Variants in COP1 observed in about 807,000 individuals in gnomAD.
The protein encoded by COP1 is E3 ubiquitin-protein ligase COP1.
Under a neutral mutation model 101.3 loss-of-function variants are expected in COP1, and 24 were observed. The observed-to-expected ratio is 0.24, with a 90% CI of 0.17 to 0.33. COP1 has a LOEUF of 0.33. Among genes scored for constraint, COP1 ranks in the 10% least tolerant of loss-of-function variants. The probability of loss-of-function intolerance (pLI) is 1.00; values close to 1 mark genes in which losing one functional copy is unlikely to be tolerated. For missense variants in COP1, 663 were observed against 906.2 expected (o/e 0.73, Z 3.45); for synonymous variants, 347 against 341.9 (o/e 1.01, Z -0.17).
In COP1 at chr1:176,081,241, C is replaced by T; in HGVS notation, c.1188G>A (p.Leu396=). Residue 396 remains leucine (L), a synonymous_variant, in exon 11 of 20, where the codon TTG becomes TTA. Coordinates refer to ENST00000367669, the MANE Select transcript of COP1 (RefSeq NM_022457.7). ...ASQLDEFQEC[L]SKFTRYNSVR... is the part of the protein sequence containing the mutation. ...CTGAATTATATCGAGTAAACTTGGA[C>T]AAGCATTCCTGAAATTCATCCAACT... 5.6e-6 allele frequency: 9 copies of T among 1,599,272 alleles called. No homozygotes were observed. The highest frequency in any genetic ancestry group is 7.7e-6 in the Non-Finnish European group (9 of 1,173,098).
At position 176,170,881 on chromosome 1, in the gene COP1, T is replaced by C. The variant is rs1394422566; in HGVS notation, c.565+5029A>G. Among the ~76,000 whole-genome samples, 5 of 152,120 alleles carry C rather than the reference T, an allele frequency of 3.3e-5. No individual in the cohort carries two copies. The East Asian group carries it at 9.7e-4, about 29-fold the overall frequency. On this transcript the variant is annotated intron_variant, in intron 3 of 19. Coordinates refer to ENST00000367669, the MANE Select transcript of COP1 (RefSeq NM_022457.7). ...TAGCTCACGCCTGTAATCCCAGCAC[T>C]TTGGGAGGCCGAGACTGGTGGATCA... is the stretch of plus-strand genomic sequence containing the variant.
chr1:176,134,962 A>C, intron 8 of COP1, 48 bp downstream of exon 8: 4 of 1,388,274 alleles, frequency 2.9e-6, no homozygotes, highest in Non-Finnish European at 3.1e-6. Context: ...GACCATATGC[A>C]TACTTTGTAA....
chr1:176,089,916 G>A lies in COP1; in HGVS notation c.1027-4026C>T, dbSNP rs1280652762. 2.0e-5 allele frequency among the ~76,000 whole-genome samples: 3 copies of A among 152,084 alleles called. 1 individual carries two copies. Among genetic ancestry groups the A allele is most frequent in the South Asian group, 4.1e-4 (2 of 4,824 alleles). Reference sequence around the variant, plus strand: ...AGCAGTCTTTTGTGAGGAAAATTTTGCATCTGTATTAACATAACTACACCC... The same window carrying A: ...AGCAGTCTTTTGTGAGGAAAATTTTACATCTGTATTAACATAACTACACCC... On this transcript the variant is annotated intron_variant, in intron 9 of 19. Coordinates refer to ENST00000367669, the MANE Select transcript of COP1 (RefSeq NM_022457.7).
rs139977160 is a variant in COP1 at position 175,963,324 on chromosome 1, T to C, written c.2134-16085A>G. Among the ~76,000 whole-genome samples the C allele has an allele frequency of 2.6e-3, 395 of 152,194 alleles. 3 individuals carry two copies. The highest frequency in any genetic ancestry group is 9.1e-3 in the African/African-American group (377 of 41,516). ...TGGCCTCATCTCTCAATAAAGTCCCTACTCCACCATCCTACTTAGACACTT... is the reference window on the plus strand; with the variant it reads ...TGGCCTCATCTCTCAATAAAGTCCCCACTCCACCATCCTACTTAGACACTT... On this transcript the variant is annotated intron_variant, in intron 18 of 19. Transcript: ENST00000367669.
intron 15 of COP1, among the ~76,000 whole-genome samples, chr1:176,012,029 A>G (rs1664772500): frequency 6.6e-6 from 1 of 152,206 alleles, no homozygotes; most frequent in Admixed American, 6.5e-5. Context: ...CTGTAATACA[A>G]CCTCAGGAAG....
At chr1:176,089,293 A>AAACAGT (rs1553257648) in intron 9 of COP1, among the ~76,000 whole-genome samples, 10 of 49,826 alleles carry the variant, frequency 2.0e-4, no homozygotes, top group Admixed American at 1.5e-3. Context: ...ACTCTGTCTA[A>AAACAGT]AACAATAACA....
intron 11 of COP1, among the ~76,000 whole-genome samples, chr1:176,062,900 T>C (rs1462781769): frequency 1.2e-4 from 18 of 152,128 alleles, no homozygotes; most frequent in Admixed American, 8.5e-4. Flanking sequence ...CAAAAGAACA[T>C]ATACTGTATG....
At chr1:175,987,149 GA>G (rs1273085511) in intron 17 of COP1, 46 bp from the exon 18 acceptor site, 5 of 1,045,578 alleles carry the variant, frequency 4.8e-6, no homozygotes, top group Non-Finnish European at 5.5e-6. Flanking sequence ...GAAAAACTCG[GA>G]ATTAGGACAT....
chr1:176,151,260 A>G (rs1210817535), intron 5 of COP1, among the ~76,000 whole-genome samples: 1 of 151,096 alleles, frequency 6.6e-6, no homozygotes, highest in Non-Finnish European at 1.5e-5. Context: ...AGAAAGAGAG[A>G]AAGAAAGAAA....
chr1:175,960,637 G>A (rs1651223829), intron 18 of COP1, among the ~76,000 whole-genome samples: 1 of 152,118 alleles, frequency 6.6e-6, no homozygotes, highest in Non-Finnish European at 1.5e-5. Context: ...ATTGGATTTG[G>A]ACATTAGATG....
At chr1:176,188,440 T>A (rs532591605) in intron 1 of COP1, among the ~76,000 whole-genome samples, 1 of 152,058 alleles carries the variant, frequency 6.6e-6, no homozygotes, top group Admixed American at 6.6e-5. Flanking sequence ...GAAAAACGTA[T>A]CCATTTAGAA....
At position 176,058,143 on chromosome 1, in the gene COP1, G is replaced by T. The variant is rs1320056387; in HGVS notation, c.1278-11819C>A. On this transcript the variant is annotated intron_variant, in intron 11 of 19. Transcript: ENST00000367669. ...TCGGGAGGGAGGTGGGGTGGGGGGGGGGTCAGCCCCCGCCCGGCCAGCCGC... is the reference window on the plus strand; with the variant it reads ...TCGGGAGGGAGGTGGGGTGGGGGGGTGGTCAGCCCCCGCCCGGCCAGCCGC... Among the ~76,000 whole-genome samples the T allele has an allele frequency of 5.9e-5, 8 of 136,042 alleles. 1 individual carries two copies. The highest frequency in any genetic ancestry group is 2.2e-4 in the Admixed American group (3 of 13,628). The allele number at this position is 136,042 out of a possible 152,430, so 89.2% of individuals were successfully genotyped here. A position where few individuals can be genotyped will look rare whatever the true frequency, so the allele number is the denominator to read the frequency against.
At chr1:176,014,820 A>G (rs1557925820) in intron 15 of COP1, among the ~76,000 whole-genome samples, 1 of 152,202 alleles carries the variant, frequency 6.6e-6, no homozygotes, top group Non-Finnish European at 1.5e-5. Context: ...GTTAGTACTA[A>G]TATTTTAAAT....
At chr1:176,120,897 T>C (rs1257041934) in intron 8 of COP1, among the ~76,000 whole-genome samples, 1 of 152,120 alleles carries the variant, frequency 6.6e-6, no homozygotes, top group Admixed American at 6.5e-5. Flanking sequence ...AATTAAATTA[T>C]AAAGAGAAAT....
At chr1:176,180,672 A>G (rs1260726918) in intron 2 of COP1, among the ~76,000 whole-genome samples, 3 of 152,232 alleles carry the variant, frequency 2.0e-5, no homozygotes, top group Non-Finnish European at 2.9e-5. Flanking sequence ...CTTGCTAACA[A>G]ATATAAATAT....
At chr1:175,997,717 T>C (rs986293223) in intron 15 of COP1, among the ~76,000 whole-genome samples, 9 of 152,144 alleles carry the variant, frequency 5.9e-5, no homozygotes, top group Admixed American at 2.6e-4. Context: ...TCACACCAGT[T>C]AGAATGGCAA....
intron 15 of COP1, among the ~76,000 whole-genome samples, chr1:176,010,831 A>G (rs1664529445): frequency 6.6e-6 from 1 of 152,252 alleles, no homozygotes; most frequent in South Asian, 2.1e-4. Flanking sequence ...TTAAGCCAAC[A>G]AGATGAATTA....
chr1:176,176,015 T>C lies in COP1; in HGVS notation c.468-8A>G, dbSNP rs768053633. 9 of 1,369,332 alleles carry C rather than the reference T, an allele frequency of 6.6e-6. No homozygotes were observed. In the Admixed American group the frequency reaches 1.3e-4, roughly 20 times the overall value. The allele number at this position is 1,369,332 out of a possible 1,614,324, so 84.8% of individuals were successfully genotyped here. A position where few individuals can be genotyped will look rare whatever the true frequency, so the allele number is the denominator to read the frequency against. On this transcript the variant is annotated splice_polypyrimidine_tract_variant and splice_region_variant and intron_variant, in intron 2 of 19. Transcript: ENST00000367669. ...TGATGAATACACTTGTAGCTATTAG[T>C]AGGGGGGGAAAAAAAAGGCTTAATT... is the stretch of plus-strand genomic sequence containing the variant.
At chr1:176,072,069 G>A (rs1269067038) in intron 11 of COP1, among the ~76,000 whole-genome samples, 2 of 152,130 alleles carry the variant, frequency 1.3e-5, no homozygotes, top group Non-Finnish European at 2.9e-5. Context: ...AATCATGTAT[G>A]TTTTGAATTA....
Sources: gnomAD v4.1 joint callset for allele counts (sites outside exome capture counted in the v4.1 genomes callset) on GRCh38, gnomAD v4.1.1 for gene constraint, MANE v1.5 for transcripts, NCBI Gene and HGNC (gene_info 2026-07-23, HGNC 2026-07-21) for gene names.